Variants in TPST1 observed in about 807,000 individuals in gnomAD.
TPST1 encodes the protein protein-tyrosine sulfotransferase 1.
A neutral mutation model predicts 34.8 loss-of-function variants in TPST1; 20 were observed. The observed-to-expected ratio is 0.57, with a 90% CI of 0.40 to 0.84. The LOEUF is 0.84. Among genes scored for constraint, TPST1 ranks in the 40% least tolerant of loss-of-function variants. The pLI is 0.00. For synonymous variants in TPST1, 152 were observed against 159.4 expected (o/e 0.95, Z 0.35); for missense variants, 353 against 455.5 (o/e 0.78, Z 2.05).
At chr7:66,297,127 C>T (rs1208268078) in intron 3 of TPST1, among the ~76,000 whole-genome samples, 2 of 152,128 alleles carry the variant, frequency 1.3e-5, no homozygotes, top group Non-Finnish European at 2.9e-5. Context: ...AGAAGCCTGA[C>T]AGATTAAGGA....
intron 3 of TPST1, among the ~76,000 whole-genome samples, chr7:66,323,141 A>C (rs1562844388): frequency 6.6e-6 from 1 of 152,072 alleles, no homozygotes; most frequent in African/African-American, 2.4e-5. Flanking sequence ...TCTTTATGTA[A>C]TTCTGAATAT....
At chr7:66,354,510 G>A (rs540874945) in intron 4 of TPST1, among the ~76,000 whole-genome samples, 5 of 118,294 alleles carry the variant, frequency 4.2e-5, no homozygotes, top group East Asian at 2.8e-4. Context: ...GTGACAGAGC[G>A]AGAGTCTGTC....
chr7:66,259,429 TG>T (rs1186004611), intron 2 of TPST1, among the ~76,000 whole-genome samples: 1 of 152,176 alleles, frequency 6.6e-6, no homozygotes, highest in Admixed American at 6.5e-5. Context: ...TTGAGCTCTT[TG>T]GATCAGTGAG....
intron 1 of TPST1, among the ~76,000 whole-genome samples, chr7:66,225,628 GAAAT>G (rs927022249): frequency 8.5e-5 from 13 of 152,102 alleles, no homozygotes; most frequent in African/African-American, 2.7e-4. Flanking sequence ...TAAATAAAAA[GAAAT>G]AAAGTAACGG....
intron 1 of TPST1, among the ~76,000 whole-genome samples, chr7:66,239,492 G>A (rs938979064): frequency 3.9e-5 from 6 of 152,160 alleles, no homozygotes; most frequent in East Asian, 1.9e-4. Flanking sequence ...GTCCTCAGTC[G>A]AGCCTATCTG....
At chr7:66,322,646 G>A (rs955085603) in intron 3 of TPST1, among the ~76,000 whole-genome samples, 4 of 152,190 alleles carry the variant, frequency 2.6e-5, no homozygotes, top group East Asian at 3.8e-4. Context: ...ATCAATTTGG[G>A]TTGCTTCCAT....
At chr7:66,352,930 G>A in intron 4 of TPST1, 2 of 985,372 alleles carry the variant, frequency 2.0e-6, no homozygotes, top group Non-Finnish European at 2.4e-6. Flanking sequence ...TCTGTGTACT[G>A]TACATCCTTG....
intron 1 of TPST1, among the ~76,000 whole-genome samples, chr7:66,224,498 G>A (rs1789608126): frequency 6.6e-6 from 1 of 152,160 alleles, no homozygotes; most frequent in Admixed American, 6.5e-5. Context: ...TCTTTTGCTA[G>A]GACATGTCCC....
chr7:66,222,808 T>G (rs1233289206), intron 1 of TPST1, among the ~76,000 whole-genome samples: 1 of 152,186 alleles, frequency 6.6e-6, no homozygotes, highest in Non-Finnish European at 1.5e-5. Context: ...CCTGGGCCCC[T>G]GTTCTTTAAA....
intron 1 of TPST1, among the ~76,000 whole-genome samples, chr7:66,230,658 G>C (rs910201720): frequency 3.9e-5 from 6 of 152,178 alleles, no homozygotes. Context: ...TAAAAGCAGT[G>C]TGGACCCAAA....
chr7:66,348,158 A>G (rs1306811177), intron 3 of TPST1, among the ~76,000 whole-genome samples: 1 of 152,124 alleles, frequency 6.6e-6, no homozygotes, highest in Non-Finnish European at 1.5e-5. Context: ...GTAATAAGAA[A>G]AAAAAAATTG....
chr7:66,336,369 T>C (rs933158148), intron 3 of TPST1, among the ~76,000 whole-genome samples: 2 of 150,398 alleles, frequency 1.3e-5, no homozygotes, highest in Non-Finnish European at 1.5e-5. Context: ...TTAAATGAAA[T>C]TTAGAAAGCA....
chr7:66,242,569 C>T (rs1790057828), intron 2 of TPST1, among the ~76,000 whole-genome samples: 1 of 152,166 alleles, frequency 6.6e-6, no homozygotes, highest in African/African-American at 2.4e-5. Flanking sequence ...AAGAAAATTT[C>T]AGCTCTGGCT....
At chr7:66,355,378 G>A (rs1236301199) in intron 4 of TPST1, among the ~76,000 whole-genome samples, 1 of 151,944 alleles carries the variant, frequency 6.6e-6, no homozygotes, top group East Asian at 1.9e-4. Context: ...GGGAGGGTGA[G>A]GCAGGACAAT....
intron 2 of TPST1, among the ~76,000 whole-genome samples, chr7:66,261,510 G>T (rs1168045203): frequency 6.6e-6 from 1 of 151,778 alleles, no homozygotes; most frequent in Non-Finnish European, 1.5e-5. Context: ...TTAAAATTTT[G>T]GGCAGCTGAT....
chr7:66,205,439 G>C lies in TPST1; in HGVS notation c.-185G>C, dbSNP rs949376905. The C allele has an allele frequency of 2.6e-5, 4 of 152,530 alleles. No homozygotes were observed. Among genetic ancestry groups the C allele is most frequent in the Non-Finnish European group, 4.4e-5 (3 of 68,328 alleles). The allele number at this position is 152,530 out of a possible 1,614,324, so 9.4% of individuals were successfully genotyped here. A position where few individuals can be genotyped will look rare whatever the true frequency, so the allele number is the denominator to read the frequency against. On this transcript the variant is annotated 5_prime_UTR_variant, in exon 1 of 6. Transcript: ENST00000304842. This position sits in a 1 kb window ranked among gnomAD's most constrained non-coding sequence, Gnocchi z 5.0. Reference sequence around the variant, plus strand: ...CTTGGCGGTGAGGGCGGGCTCCCGAGTGGCCCCCCACCGAAGGCGGTGGGA... The same window carrying C: ...CTTGGCGGTGAGGGCGGGCTCCCGACTGGCCCCCCACCGAAGGCGGTGGGA...
intron 2 of TPST1, among the ~76,000 whole-genome samples, chr7:66,276,947 T>C (rs775614953): frequency 6.6e-6 from 1 of 152,202 alleles, no homozygotes; most frequent in Non-Finnish European, 1.5e-5. Context: ...GGAGGAATAG[T>C]TCAAGCTGTC....
intron 2 of TPST1, among the ~76,000 whole-genome samples, chr7:66,279,635 C>G (rs985147720): frequency 5.3e-5 from 8 of 152,166 alleles, no homozygotes; most frequent in African/African-American, 1.9e-4. Context: ...AATAACAGCT[C>G]ATAGATCAGA....
intron 4 of TPST1, among the ~76,000 whole-genome samples, chr7:66,354,279 G>T (rs1328165719): frequency 6.6e-6 from 1 of 152,082 alleles, no homozygotes; most frequent in Non-Finnish European, 1.5e-5. Flanking sequence ...TGGAGCCAGA[G>T]AATATTCCAA....
Sources: allele counts gnomAD v4.1 joint callset (sites outside exome capture counted in the v4.1 genomes callset), GRCh38; gene constraint gnomAD v4.1.1; non-coding constraint Gnocchi (gnomAD v3.1); transcripts MANE v1.5; gene names NCBI Gene and HGNC (gene_info 2026-07-23, HGNC 2026-07-21).